Variants in NBEA observed in about 807,000 individuals in gnomAD.
The protein encoded by NBEA is neurobeachin.
NBEA carries 44 observed loss-of-function variants against 343.4 expected under a neutral mutation model. The ratio of observed to expected loss-of-function variants is 0.13; its 90% CI spans 0.10 to 0.16. NBEA has a LOEUF of 0.16. Ranked by LOEUF, NBEA falls within the 10% of genes least tolerant of loss-of-function variation. The pLI, the probability that NBEA is intolerant of heterozygous loss-of-function variation, is 1.00. For missense variants in NBEA, 2,555 were observed against 3,631.3 expected, an observed-to-expected ratio of 0.70 and a Z score of 7.62; for synonymous variants, 1,175 against 1,238.7, an observed-to-expected ratio of 0.95 and a Z score of 1.08.
At chr13:35,505,418 G>A (rs900606815) in intron 41 of NBEA, among the ~76,000 whole-genome samples, 6 of 152,188 alleles carry the variant, frequency 3.9e-5, no homozygotes, top group Non-Finnish European at 7.4e-5. Context: ...AATTGGAAGT[G>A]AGAAATGGAA....
chr13:35,042,124 G>GA (rs774549115), intron 2 of NBEA, among the ~76,000 whole-genome samples: 29 of 151,614 alleles, frequency 1.9e-4, no homozygotes, highest in Non-Finnish European at 3.8e-4. Flanking sequence ...ATGAAAAATG[G>GA]CTTAAAAAAG....
intron 11 of NBEA, among the ~76,000 whole-genome samples, chr13:35,109,065 T>A (rs1452235833): frequency 6.6e-6 from 1 of 152,154 alleles, no homozygotes; most frequent in Non-Finnish European, 1.5e-5. Context: ...ATTATTTATC[T>A]GTAATTGTCT....
intron 18 of NBEA, among the ~76,000 whole-genome samples, chr13:35,143,352 T>C (rs896013317): frequency 1.3e-5 from 2 of 152,202 alleles, no homozygotes; most frequent in African/African-American, 4.8e-5. Context: ...CAACAGTGTT[T>C]CATGTACCAC....
chr13:35,250,235 GT>G (rs1448794625), intron 34 of NBEA, among the ~76,000 whole-genome samples: 2 of 152,174 alleles, frequency 1.3e-5, no homozygotes, highest in East Asian at 3.9e-4. Context: ...TTTAATTAAA[GT>G]GAAAAGTTTA....
intron 1 of NBEA, among the ~76,000 whole-genome samples, chr13:35,020,678 C>A (rs1158742988): frequency 6.6e-6 from 1 of 152,130 alleles, no homozygotes; most frequent in Non-Finnish European, 1.5e-5. Context: ...CCACCACACC[C>A]AGCTAATTTT....
chr13:35,056,614 ACTT>A (rs2063272668), intron 7 of NBEA, among the ~76,000 whole-genome samples: 1 of 152,120 alleles, frequency 6.6e-6, no homozygotes, highest in Non-Finnish European at 1.5e-5. Context: ...TATGTGGGGA[ACTT>A]CTTCTATTCA....
At chr13:35,184,099 T>G in intron 30 of NBEA, 28 bp downstream of exon 30, 1 of 1,486,892 alleles carries the variant, frequency 6.7e-7, no homozygotes, top group Non-Finnish European at 9.3e-7. Flanking sequence ...TCCTGACCTG[T>G]TTGGGTATTC....
At position 35,541,533 on chromosome 13, in the gene NBEA, T is replaced by C. The variant is rs1230298797; in HGVS notation, c.6586-8944T>C. The stretch of plus-strand genomic sequence containing the variant: ...TGCTTATAGTGAGACTGGTAGCTGG[T>C]GTCCCAAATAGTTGGGCTTCGTAGT... On this transcript the variant is annotated intron_variant, in intron 41 of 58. Transcript: ENST00000379939. Among the ~76,000 whole-genome samples, 7 of 152,300 alleles carry C rather than the reference T, an allele frequency of 4.6e-5. No homozygotes were observed. The East Asian group carries it at 1.4e-3, about 29-fold the overall frequency.
At chr13:35,250,864 A>G (rs1279229166) in intron 34 of NBEA, among the ~76,000 whole-genome samples, 1 of 152,252 alleles carries the variant, frequency 6.6e-6, no homozygotes, top group African/African-American at 2.4e-5. Context: ...TAACACATGG[A>G]TAAGGATACT....
chr13:35,106,614 A>G (rs879340579), intron 11 of NBEA, among the ~76,000 whole-genome samples: 1 of 151,978 alleles, frequency 6.6e-6, no homozygotes, highest in African/African-American at 2.4e-5. Flanking sequence ...TCATTTATGC[A>G]TTTATATACT....
At chr13:35,619,206 CAAGA>C (rs2082871428) in intron 48 of NBEA, among the ~76,000 whole-genome samples, 1 of 151,842 alleles carries the variant, frequency 6.6e-6, no homozygotes, top group Admixed American at 6.6e-5. Flanking sequence ...TTCAAAATAT[CAAGA>C]TAGACATCTT....
At chr13:35,101,902 A>G (rs1037060970) in intron 11 of NBEA, among the ~76,000 whole-genome samples, 4 of 151,774 alleles carry the variant, frequency 2.6e-5, no homozygotes. Flanking sequence ...TTGATAAACA[A>G]GTTACTAATT....
At chr13:35,504,440 G>T (rs991353630) in intron 41 of NBEA, among the ~76,000 whole-genome samples, 7 of 152,056 alleles carry the variant, frequency 4.6e-5, no homozygotes, top group Non-Finnish European at 1.0e-4. Context: ...CAACTTGGAG[G>T]CTGCCACAGT....
intron 36 of NBEA, among the ~76,000 whole-genome samples, chr13:35,322,427 C>A (rs944242781): frequency 6.6e-6 from 1 of 152,144 alleles, no homozygotes; most frequent in South Asian, 2.1e-4. Flanking sequence ...GTGGACTGCA[C>A]CCACAGTCTA....
At chr13:35,324,428 G>C in intron 36 of NBEA, among the ~76,000 whole-genome samples, 1 of 152,110 alleles carries the variant, frequency 6.6e-6, no homozygotes, top group East Asian at 1.9e-4. Flanking sequence ...TCTATAACAT[G>C]TCTCTTATAA....
chr13:35,178,888 T>C (rs1446809218), intron 28 of NBEA, among the ~76,000 whole-genome samples: 2 of 151,442 alleles, frequency 1.3e-5, no homozygotes, highest in African/African-American at 4.8e-5. Context: ...AAATGTGTTG[T>C]GAAAAGGATT....
At chr13:35,093,724 A>G (rs1304337080) in intron 10 of NBEA, among the ~76,000 whole-genome samples, 1 of 152,018 alleles carries the variant, frequency 6.6e-6, no homozygotes, top group Admixed American at 6.6e-5. Flanking sequence ...AAATTTCTAA[A>G]GCATTCATCT....
At chr13:35,151,323 C>T (rs2068771001) in intron 18 of NBEA, among the ~76,000 whole-genome samples, 1 of 151,790 alleles carries the variant, frequency 6.6e-6, no homozygotes, top group Non-Finnish European at 1.5e-5. Flanking sequence ...GTGGGTGGAT[C>T]AACTGAGGTT....
intron 38 of NBEA, among the ~76,000 whole-genome samples, chr13:35,355,258 T>C (rs1343422975): frequency 6.6e-6 from 1 of 151,590 alleles, no homozygotes; most frequent in Non-Finnish European, 1.5e-5. Flanking sequence ...TATATAGTCT[T>C]TCTTTTTATA....
Sources: allele counts gnomAD v4.1 joint callset (sites outside exome capture counted in the v4.1 genomes callset), GRCh38; gene constraint gnomAD v4.1.1; transcripts MANE v1.5; gene names NCBI Gene and HGNC (gene_info 2026-07-23, HGNC 2026-07-21).